The following PDE3A variants were observed in gnomAD, a reference collection of about 807,000 sequenced individuals.
The protein encoded by PDE3A is cGMP-inhibited 3',5'-cyclic phosphodiesterase 3A.
PDE3A carries 43 observed loss-of-function variants against 98.3 expected under a neutral mutation model. That is an observed-to-expected ratio of 0.44 (90% CI 0.34 to 0.56). The LOEUF (loss-of-function observed/expected upper bound fraction) is 0.56, where lower values mean the gene tolerates loss of function less well. Among genes scored for constraint, PDE3A ranks in the 20% least tolerant of loss-of-function variants. The pLI, the probability that PDE3A is intolerant of heterozygous loss-of-function variation, is 0.01. For synonymous variants in PDE3A, 663 were observed against 567.9 expected (o/e 1.17, Z -2.38); for missense variants, 1,427 against 1,440.7 (o/e 0.99, Z 0.15).
At chr12:20,492,722 G>T (rs560325713) in intron 1 of PDE3A, among the ~76,000 whole-genome samples, 1 of 152,112 alleles carries the variant, frequency 6.6e-6, no homozygotes, top group South Asian at 2.1e-4. Flanking sequence ...GGCAGCGAGG[G>T]GTGATTATAA....
At chr12:20,645,755 C>A (rs1217879137) in intron 10 of PDE3A, among the ~76,000 whole-genome samples, 3 of 151,958 alleles carry the variant, frequency 2.0e-5, no homozygotes, top group Non-Finnish European at 2.9e-5. Flanking sequence ...GGCATTATGA[C>A]CAGATGGCAT....
At chr12:20,444,152 T>A (rs11045249) in intron 1 of PDE3A, among the ~76,000 whole-genome samples, 32,587 of 152,076 alleles carry the variant, frequency 0.21, 3,628 homozygotes, top group Admixed American at 0.31. Flanking sequence ...CCCTCCGTTG[T>A]GTAATCAACC....
chr12:20,578,902 T>C (rs1943002301), intron 2 of PDE3A, among the ~76,000 whole-genome samples: 1 of 152,214 alleles, frequency 6.6e-6, no homozygotes, highest in Admixed American at 6.5e-5. Context: ...TACTGAATAG[T>C]GTTCTTTTCA....
At chr12:20,523,806 G>T (rs991819281) in intron 1 of PDE3A, among the ~76,000 whole-genome samples, 10 of 152,292 alleles carry the variant, frequency 6.6e-5, no homozygotes, top group African/African-American at 2.2e-4. Flanking sequence ...TTATAGAAGA[G>T]AATAATCAGT....
chr12:20,481,681 C>T (rs943343889), intron 1 of PDE3A, among the ~76,000 whole-genome samples: 5 of 151,266 alleles, frequency 3.3e-5, no homozygotes, highest in Non-Finnish European at 7.4e-5. Flanking sequence ...CTTAGAGCAT[C>T]TCTTCACAAA....
intron 1 of PDE3A, among the ~76,000 whole-genome samples, chr12:20,532,846 G>T (rs1279516801): frequency 6.6e-6 from 1 of 152,060 alleles, no homozygotes; most frequent in Non-Finnish European, 1.5e-5. Flanking sequence ...CCGCCACTAC[G>T]CCCGGCTAAC....
chr12:20,491,370 A>G lies in PDE3A; in HGVS notation c.961-65290A>G, dbSNP rs535779924. Among the ~76,000 whole-genome samples the G allele has an allele frequency of 2.0e-5, 3 of 152,336 alleles. No homozygotes were observed. The East Asian group carries it at 5.8e-4, about 29-fold the overall frequency. ...CGTGTTTTCTTCTGGGAACGGGCAG[A>G]GAACTCCTCAAAACCAGAGTGCTGC... On this transcript the variant is annotated intron_variant, in intron 1 of 15. Transcript: ENST00000359062.
chr12:20,587,133 G>A (rs1943217387), intron 2 of PDE3A, among the ~76,000 whole-genome samples: 2 of 152,142 alleles, frequency 1.3e-5, no homozygotes, highest in Non-Finnish European at 2.9e-5. Context: ...ACTTTAGGAG[G>A]TCGAGGTGGG....
intron 1 of PDE3A, among the ~76,000 whole-genome samples, chr12:20,433,672 A>T (rs914275610): frequency 2.0e-5 from 3 of 152,116 alleles, no homozygotes; most frequent in Non-Finnish European, 4.4e-5. Flanking sequence ...TACGTTTTTT[A>T]AAAAAATACA....
chr12:20,419,590 T>C (rs1008090796), intron 1 of PDE3A, among the ~76,000 whole-genome samples: 1 of 152,014 alleles, frequency 6.6e-6, no homozygotes, highest in Non-Finnish European at 1.5e-5. Flanking sequence ...TGTTGCTTCA[T>C]GTGGCTAATG....
At chr12:20,603,967 G>A (rs561519998) in intron 2 of PDE3A, among the ~76,000 whole-genome samples, 6 of 152,102 alleles carry the variant, frequency 3.9e-5, no homozygotes, top group African/African-American at 1.2e-4. Flanking sequence ...TCAGGAGTTC[G>A]AGACCAGCCT....
At chr12:20,658,758 TAAATTTTA>T (rs1344584159) in intron 15 of PDE3A, among the ~76,000 whole-genome samples, 1 of 152,242 alleles carries the variant, frequency 6.6e-6, no homozygotes, top group Non-Finnish European at 1.5e-5. Context: ...AAATCTTTTT[TAAATTTTA>T]AAATTTAAAT....
intron 1 of PDE3A, among the ~76,000 whole-genome samples, chr12:20,511,086 G>A (rs961096523): frequency 5.3e-5 from 8 of 152,008 alleles, no homozygotes; most frequent in Non-Finnish European, 1.2e-4. Flanking sequence ...GGATCTGCTT[G>A]ACTAGGTGTT....
At chr12:20,618,061 A>T (rs11045331) in intron 4 of PDE3A, among the ~76,000 whole-genome samples, 8 of 151,928 alleles carry the variant, frequency 5.3e-5, no homozygotes, top group African/African-American at 1.9e-4. Context: ...ATACTCGTAG[A>T]TGTCTTGTCT....
rs1274958982 is a variant in PDE3A, at chr12:20,378,655, G to C, written c.960+8411G>C. Among the ~76,000 whole-genome samples the C allele has an allele frequency of 2.0e-5, 3 of 151,828 alleles. No homozygotes were observed. The East Asian group carries it at 5.8e-4, about 29-fold the overall frequency. ...GGATGCTGGCTCGCTTCTGGTAAAA[G>C]CTGACTTAATTTAGAGTTCTTGAAG... On this transcript the variant is annotated intron_variant, in intron 1 of 15. Transcript: ENST00000359062.
At chr12:20,451,176 T>G (rs578251463) in intron 1 of PDE3A, among the ~76,000 whole-genome samples, 1 of 152,336 alleles carries the variant, frequency 6.6e-6, no homozygotes, top group South Asian at 2.1e-4. Flanking sequence ...TGTCAGGTAT[T>G]TTAAGAATCT....
rs1366019092 is a variant in PDE3A, at chr12:20,684,831, TACAA to T, written c.*4565_*4568del. Among the ~76,000 whole-genome samples the T allele has an allele frequency of 3.9e-5, 6 of 152,334 alleles. No homozygotes were observed. Among genetic ancestry groups the T allele is most frequent in the Non-Finnish European group, 5.9e-5 (4 of 68,028 alleles). ...AATTCTTATTGGGAATGAATTACAC[TACAA>T]ACAATGAGTTGAGCTAAAAACTATA... On this transcript the variant is annotated 3_prime_UTR_variant, in exon 16 of 16. Coordinates refer to ENST00000359062, the MANE Select transcript of PDE3A (RefSeq NM_000921.5).
chr12:20,515,726 A>G (rs1946307855), intron 1 of PDE3A, among the ~76,000 whole-genome samples: 1 of 149,482 alleles, frequency 6.7e-6, no homozygotes, highest in South Asian at 2.1e-4. Flanking sequence ...TTATTTATTT[A>G]TTTATTTATT....
intron 1 of PDE3A, among the ~76,000 whole-genome samples, chr12:20,534,538 A>G (rs1309244725): frequency 6.6e-6 from 1 of 152,176 alleles, no homozygotes; most frequent in Non-Finnish European, 1.5e-5. Context: ...ATTCACATTT[A>G]TACTTTAAGT....
Sources: gnomAD v4.1 joint callset for allele counts (sites outside exome capture counted in the v4.1 genomes callset) on GRCh38, gnomAD v4.1.1 for gene constraint, MANE v1.5 for transcripts, NCBI Gene and HGNC (gene_info 2026-07-23, HGNC 2026-07-21) for gene names.